CCDC81: variants seen among roughly 807,000 people sequenced by gnomAD.
CCDC81 encodes coiled-coil domain-containing protein 81.
CCDC81 carries 79 observed loss-of-function variants against 83.7 expected under a neutral mutation model. That is an observed-to-expected ratio of 0.94 (90% CI 0.79 to 1.14). The LOEUF is 1.14. Among genes scored for constraint, CCDC81 ranks in the 50% most tolerant of loss-of-function variants. CCDC81 has a pLI of 0.00. For synonymous variants in CCDC81, 252 were observed against 278.1 expected (o/e 0.91, Z 0.93); for missense variants, 791 against 778.1 (o/e 1.02, Z -0.20).
chr11:86,408,382 G>C (rs1454694256), intron 9 of CCDC81, 112 bp downstream of exon 9: 6 of 1,027,332 alleles, frequency 5.8e-6, no homozygotes, highest in Non-Finnish European at 8.1e-6. Flanking sequence ...ACCCAGGTTG[G>C]AATGCAGTGG....
Position 86,407,679 on chromosome 11 carries a change from AG to A in CCDC81, c.949del (p.Asp317IlefsTer33). The part of the protein sequence containing the change: ...EMKPQTSPAC[Q>X]DHNKAGQEMC... The stretch of plus-strand genomic sequence containing the variant: ...AAGCCCCAAACATCTCCAGCTTGCC[AG>A]GATCATAACAAGGCAGGACAGGTAC... On this transcript the variant is annotated frameshift_variant, in exon 8 of 15. Coordinates refer to ENST00000445632, the MANE Select transcript of CCDC81 (RefSeq NM_001156474.2). LOFTEE classifies it high-confidence loss of function. The A allele has an allele frequency of 6.2e-7, 1 of 1,613,600 alleles. No homozygotes were observed. The highest frequency in any genetic ancestry group is 8.5e-7 in the Non-Finnish European group (1 of 1,179,628).
In CCDC81 at chr11:86,387,618, G is replaced by C. The variant is rs947288408; in HGVS notation, c.244G>C (p.Val82Leu). Reference protein sequence around the residue: ...ILIQRPVFIMVEKLVQIHGLK... With the variant: ...ILIQRPVFIMLEKLVQIHGLK... ...AATCCAGAGGCCTGTGTTTATCATG[G>C]TGGAGAAGCTAGTGCAGATTCATGG... The change falls in exon 3 of 15, where the codon GTG becomes CTG. Residue 82 changes from valine (V) to leucine (L), a missense_variant. Physicochemically the swap from Val to Leu is conservative, Grantham distance 32 (BLOSUM62 1). Coordinates refer to ENST00000445632, the MANE Select transcript of CCDC81 (RefSeq NM_001156474.2). 5.0e-6 allele frequency: 8 copies of C among 1,611,678 alleles called. No homozygotes were observed. The African/African-American group carries it at 1.1e-4, about 22-fold the overall frequency.
At chr11:86,395,732 C>G (rs191268175) in intron 5 of CCDC81, among the ~76,000 whole-genome samples, 1 of 152,194 alleles carries the variant, frequency 6.6e-6, no homozygotes, top group Non-Finnish European at 1.5e-5. Context: ...GCAATTCTCT[C>G]CTGCCTCAGC....
chr11:86,403,466 G>A (rs1467223877), intron 7 of CCDC81, among the ~76,000 whole-genome samples: 1 of 151,964 alleles, frequency 6.6e-6, no homozygotes, highest in African/African-American at 2.4e-5. Context: ...GTCAGTCCAT[G>A]ATTACATTTT....
At chr11:86,391,620 AC>A (rs992180412) in intron 3 of CCDC81, among the ~76,000 whole-genome samples, 41 of 152,164 alleles carry the variant, frequency 2.7e-4, no homozygotes, top group African/African-American at 9.4e-4. Flanking sequence ...TTAGTCTGAT[AC>A]CCTTGTATAA....
chr11:86,397,532 G>A, intron 5 of CCDC81, 89 bp from the exon 6 acceptor site: 2 of 1,486,220 alleles, frequency 1.3e-6, no homozygotes, highest in South Asian at 2.8e-5. Flanking sequence ...GAATCAGCCA[G>A]CTGGCTGGGT....
intron 5 of CCDC81, 63 bp from the exon 6 acceptor site, chr11:86,397,558 A>C: frequency 5.9e-6 from 9 of 1,535,356 alleles, no homozygotes; most frequent in Non-Finnish European, 6.1e-6. Flanking sequence ...CCAAAACTTG[A>C]GAGTTCACAC....
chr11:86,419,891 C>T (rs754091256), intron 13 of CCDC81, 37 bp from the exon 14 acceptor site: 1 of 1,569,222 alleles, frequency 6.4e-7, no homozygotes, highest in East Asian at 2.3e-5. Flanking sequence ...CATGCTCTTC[C>T]AAGTATTATG....
intron 8 of CCDC81, 113 bp downstream of exon 8, chr11:86,407,814 T>C (rs1399030900): frequency 1.3e-6 from 1 of 786,576 alleles, no homozygotes; most frequent in Non-Finnish European, 2.1e-6. Flanking sequence ...GCTCAAGTAC[T>C]CAAGTACTCA....
chr11:86,415,086 G>A lies in CCDC81; in HGVS notation c.1471-7G>A. On this transcript the variant is annotated splice_region_variant and splice_polypyrimidine_tract_variant and intron_variant, in intron 12 of 14. Coordinates refer to ENST00000445632, the MANE Select transcript of CCDC81 (RefSeq NM_001156474.2). Reference sequence around the variant, plus strand: ...GATAACCTGCATTATGTGTATCTCTGTTTAAGATAAAGAACAAACCCTCTC... The same window carrying A: ...GATAACCTGCATTATGTGTATCTCTATTTAAGATAAAGAACAAACCCTCTC... The A allele has an allele frequency of 1.9e-6, 3 of 1,613,670 alleles. No individual in the cohort carries two copies. The South Asian group carries it at 3.3e-5, about 18-fold the overall frequency.
At chr11:86,392,447 T>G in intron 3 of CCDC81, 94 bp from the exon 4 acceptor site, 76 of 1,378,460 alleles carry the variant, frequency 5.5e-5, no homozygotes, top group Non-Finnish European at 7.2e-5. Context: ...TTTAGGGCAT[T>G]GAGAATCAGA....
chr11:86,378,754 G>A (rs1244725627), intron 1 of CCDC81, among the ~76,000 whole-genome samples: 1 of 152,076 alleles, frequency 6.6e-6, no homozygotes, highest in African/African-American at 2.4e-5. Context: ...TCCTTGATTT[G>A]AAGTCTGTTC....
chr11:86,396,421 G>T (rs2138515550), intron 5 of CCDC81, among the ~76,000 whole-genome samples: 1 of 152,148 alleles, frequency 6.6e-6, no homozygotes, highest in East Asian at 1.9e-4. Flanking sequence ...AATCTTAATT[G>T]CTGTGCCATT....
chr11:86,388,850 A>T (rs1593913547), intron 3 of CCDC81, among the ~76,000 whole-genome samples: 1 of 152,368 alleles, frequency 6.6e-6, no homozygotes, highest in East Asian at 1.9e-4. Context: ...ACATCTGTGC[A>T]TTAAAATTAA....
intron 2 of CCDC81, among the ~76,000 whole-genome samples, chr11:86,386,400 G>A (rs894354619): frequency 6.6e-6 from 1 of 152,134 alleles, no homozygotes; most frequent in Admixed American, 6.5e-5. Flanking sequence ...TGTGTGTAAG[G>A]AAACTAGATG....
chr11:86,409,918 C>A (rs147275866), intron 10 of CCDC81, among the ~76,000 whole-genome samples: 1 of 152,220 alleles, frequency 6.6e-6, no homozygotes, highest in Non-Finnish European at 1.5e-5. Flanking sequence ...TCAACCAGGA[C>A]GTGGGATGGG....
At chr11:86,386,917 G>T (rs1275505300) in intron 2 of CCDC81, among the ~76,000 whole-genome samples, 4 of 152,104 alleles carry the variant, frequency 2.6e-5, no homozygotes, top group African/African-American at 9.7e-5. Flanking sequence ...ACATTCCCTG[G>T]CTGGCTACTT....
In CCDC81 at chr11:86,407,665, A is replaced by G. The variant is rs1485731657; in HGVS notation, c.933A>G (p.Thr311=). The G allele has an allele frequency of 6.2e-7, 1 of 1,613,842 alleles. No homozygotes were observed. The highest frequency in any genetic ancestry group is 1.1e-5 in the South Asian group (1 of 91,006). Residue 311 remains threonine (T), a synonymous_variant, in exon 8 of 15, where the codon ACA becomes ACG. Transcript: ENST00000445632. ...LKHDSEMKPQ[T]SPACQDHNKA... Reference sequence around the variant, plus strand: ...ACGACAGTGAGATGAAGCCCCAAACATCTCCAGCTTGCCAGGATCATAACA... The same window carrying G: ...ACGACAGTGAGATGAAGCCCCAAACGTCTCCAGCTTGCCAGGATCATAACA...
chr11:86,383,895 C>T (rs960917955), intron 1 of CCDC81, among the ~76,000 whole-genome samples: 1 of 152,144 alleles, frequency 6.6e-6, no homozygotes, highest in Non-Finnish European at 1.5e-5. Flanking sequence ...ATAATTAGTT[C>T]TGCTCTTATG....
Sources: allele counts gnomAD v4.1 joint callset (sites outside exome capture counted in the v4.1 genomes callset), GRCh38; gene constraint gnomAD v4.1.1; transcripts MANE v1.5; gene names NCBI Gene and HGNC (gene_info 2026-07-23, HGNC 2026-07-21).